GTF2IRD1: variants seen among roughly 807,000 people sequenced by gnomAD.
The protein encoded by GTF2IRD1 is general transcription factor II-I repeat domain-containing protein 1.
In GTF2IRD1, 26 loss-of-function variants were observed where a neutral mutation model predicts 113.2. The ratio of observed to expected loss-of-function variants is 0.23; its 90% confidence interval spans 0.17 to 0.32. The LOEUF is 0.32. GTF2IRD1 is among the 10% of genes least tolerant of loss of function. The pLI is 1.00. For synonymous variants in GTF2IRD1, 484 were observed against 529.1 expected (o/e 0.91, Z 1.17); for missense variants, 864 against 1,280.8 (o/e 0.67, Z 4.97).
chr7:74,547,039 C>T, intron 16 of GTF2IRD1, 64 bp from the exon 17 acceptor site: 5 of 1,465,744 alleles, frequency 3.4e-6, no homozygotes, highest in Non-Finnish European at 4.7e-6. Context: ...AGGCACGGGA[C>T]ACAGGGGTTG....
chr7:74,528,242 G>A (rs1403199423), intron 8 of GTF2IRD1, among the ~76,000 whole-genome samples: 2 of 152,130 alleles, frequency 1.3e-5, no homozygotes, highest in Admixed American at 6.6e-5. Context: ...AGACAGTCTC[G>A]CTCTGTCACC....
At chr7:74,475,654 C>G (rs1794359296) in intron 1 of GTF2IRD1, among the ~76,000 whole-genome samples, 1 of 152,184 alleles carries the variant, frequency 6.6e-6, no homozygotes, top group Non-Finnish European at 1.5e-5. Flanking sequence ...CTCGGGCAAG[C>G]CCAGGTTGGA....
chr7:74,505,275 G>A (rs1030165573), intron 1 of GTF2IRD1, among the ~76,000 whole-genome samples: 5 of 152,176 alleles, frequency 3.3e-5, no homozygotes, highest in East Asian at 1.9e-4. Flanking sequence ...CCTAGCAGAC[G>A]TGGGCCTGGG....
chr7:74,550,604 A>T (rs1372466783), intron 17 of GTF2IRD1, among the ~76,000 whole-genome samples: 10 of 150,746 alleles, frequency 6.6e-5, no homozygotes, highest in African/African-American at 2.2e-4. Context: ...TTTTTTTTTT[A>T]ATTTTTTTAA....
In GTF2IRD1 at chr7:74,538,688, G is replaced by A. The variant is rs1554350865; in HGVS notation, c.1456G>A (p.Gly486Arg). 1.6e-5 allele frequency: 26 copies of A among 1,593,140 alleles called. No individual in the cohort carries two copies. In the East Asian group the frequency reaches 4.0e-4, roughly 25 times the overall value. ...TCCTTTCCTCCTTGCAGGAACCTCC[G>A]GGGAGCTGGGCGGGCTGAGGCCGAT... ...MSEDCGPGTSGELGGLRPIKI... is the reference protein window; with the variant it reads ...MSEDCGPGTSRELGGLRPIKI... Residue 486 changes from glycine (G) to arginine (R), a missense_variant, in exon 13 of 27, where the codon GGG becomes AGG. Physicochemically the swap from Gly to Arg is moderately radical, Grantham distance 125. This residue lies in a region of GTF2IRD1 where 218 missense variants were observed against 352.6 expected (regional missense o/e 0.62). Transcript: ENST00000424337.
intron 1 of GTF2IRD1, among the ~76,000 whole-genome samples, chr7:74,466,017 C>T (rs797024693): frequency 1.1e-4 from 16 of 152,338 alleles, no homozygotes; most frequent in African/African-American, 1.9e-4. Flanking sequence ...GTGATCCACC[C>T]GCCTTGGCCT....
At position 74,595,071 on chromosome 7, in the gene GTF2IRD1, GC is replaced by G; in HGVS notation, c.2629+22del. On this transcript the variant is annotated intron_variant, in intron 25 of 26. Transcript: ENST00000424337. ...TGCCAGGTGAGTCAGAGGTGAAGAA[GC>G]CACCCTTCTGCTCCGTGGGGACTAG... The G allele has an allele frequency of 6.3e-7, 1 of 1,577,404 alleles. No homozygotes were observed. The highest frequency in any genetic ancestry group is 8.7e-7 in the Non-Finnish European group (1 of 1,148,486).
chr7:74,530,787 C>G (rs1326007662), intron 9 of GTF2IRD1, among the ~76,000 whole-genome samples: 1 of 152,094 alleles, frequency 6.6e-6, no homozygotes, highest in Admixed American at 6.6e-5. Context: ...TGCATCGGTG[C>G]ACCTGAAGAC....
chr7:74,491,649 A>G (rs919683112), intron 1 of GTF2IRD1, among the ~76,000 whole-genome samples: 15 of 152,262 alleles, frequency 9.9e-5, no homozygotes, highest in East Asian at 1.9e-4. Context: ...CCCTGCAAAG[A>G]ACATGATCTT....
intron 1 of GTF2IRD1, among the ~76,000 whole-genome samples, chr7:74,458,452 A>G (rs905337438): frequency 6.6e-6 from 1 of 151,940 alleles, no homozygotes; most frequent in Non-Finnish European, 1.5e-5. Flanking sequence ...CCTCAGCCCC[A>G]TCTCATAGAA....
chr7:74,521,198 C>G lies in GTF2IRD1; in HGVS notation c.917-10C>G. 1 of 1,554,292 alleles carries G rather than the reference C, an allele frequency of 6.4e-7. No individual in the cohort carries two copies. Among genetic ancestry groups the G allele is most frequent in the Non-Finnish European group, 8.9e-7 (1 of 1,126,158 alleles). ...CACCTGGAACCTTCTTCCTTCTCTCCCTTGTCCAGGACAGAAGCCCACTGG... is the reference window on the plus strand; with the variant it reads ...CACCTGGAACCTTCTTCCTTCTCTCGCTTGTCCAGGACAGAAGCCCACTGG... On this transcript the variant is annotated splice_polypyrimidine_tract_variant and intron_variant, in intron 6 of 26. Coordinates refer to ENST00000424337, the MANE Select transcript of GTF2IRD1 (RefSeq NM_005685.4).
intron 25 of GTF2IRD1, among the ~76,000 whole-genome samples, chr7:74,597,773 TAGTG>T (rs1802511575): frequency 1.3e-5 from 2 of 152,182 alleles, no homozygotes; most frequent in Admixed American, 1.3e-4. Flanking sequence ...CCAGGCCACA[TAGTG>T]AGTCAGATGC....
chr7:74,530,586 T>TA (rs58675988), intron 9 of GTF2IRD1, among the ~76,000 whole-genome samples: 1,542 of 37,660 alleles, frequency 0.041, 12 homozygotes, highest in Middle Eastern at 0.05. Flanking sequence ...CCCTGTTTCT[T>TA]AAAAAAAAAA....
intron 22 of GTF2IRD1, among the ~76,000 whole-genome samples, chr7:74,586,627 G>A (rs1801733441): frequency 6.6e-6 from 1 of 152,196 alleles, no homozygotes; most frequent in Non-Finnish European, 1.5e-5. Context: ...GGGAAAAGGA[G>A]GAACCAGGCC....
At chr7:74,489,446 G>A (rs915775761) in intron 1 of GTF2IRD1, among the ~76,000 whole-genome samples, 67 of 152,068 alleles carry the variant, frequency 4.4e-4, no homozygotes, top group Admixed American at 5.2e-4. Context: ...GGGTTCAAGC[G>A]ATTCTCCTGC....
chr7:74,569,477 G>T (rs1344217450), intron 22 of GTF2IRD1, among the ~76,000 whole-genome samples: 2 of 152,200 alleles, frequency 1.3e-5, no homozygotes. Flanking sequence ...CAGTGAGGGG[G>T]GGATGGAGAA....
At chr7:74,583,524 C>T (rs1801547141) in intron 22 of GTF2IRD1, among the ~76,000 whole-genome samples, 1 of 151,630 alleles carries the variant, frequency 6.6e-6, no homozygotes, top group Non-Finnish European at 1.5e-5. Context: ...GGCATTTAGC[C>T]CCACTCCACC....
Position 74,524,147 on chromosome 7 carries a change from C to T in GTF2IRD1, c.1083C>T (p.Ser361=). 6.2e-7 allele frequency: 1 copy of T among 1,610,586 alleles called. No homozygotes were observed. The highest frequency in any genetic ancestry group is 8.5e-7 in the Non-Finnish European group (1 of 1,177,764). ...LRECVQILFN[S]RYAEALGLDH... ...AGTGTGTGCAGATCCTGTTTAACAG[C>T]AGATATGGTGAGTGGGCGGCGCGGC... Residue 361 remains serine (S), a synonymous_variant, in exon 8 of 27, where the codon AGC becomes AGT. Transcript: ENST00000424337.
chr7:74,526,882 A>T (rs955909372), intron 8 of GTF2IRD1, among the ~76,000 whole-genome samples: 1 of 152,158 alleles, frequency 6.6e-6, no homozygotes, highest in Non-Finnish European at 1.5e-5. Context: ...GTGACATCTC[A>T]GTGGGATCTG....
Sources: allele counts gnomAD v4.1 joint callset (sites outside exome capture counted in the v4.1 genomes callset), GRCh38; gene constraint gnomAD v4.1.1; regional missense constraint gnomAD v4.1.1; transcripts MANE v1.5; gene names NCBI Gene and HGNC (gene_info 2026-07-23, HGNC 2026-07-21).